Variants in CACNA2D2 observed in about 807,000 individuals in gnomAD.
The protein encoded by CACNA2D2 is voltage-dependent calcium channel subunit alpha-2/delta-2.
CACNA2D2 carries 48 observed loss-of-function variants against 166.4 expected under a neutral mutation model. That is an observed-to-expected ratio of 0.29 (90% CI 0.23 to 0.37). The LOEUF is 0.37. Ranked by LOEUF, CACNA2D2 falls within the 10% of genes least tolerant of loss-of-function variation. The pLI is 1.00. For synonymous variants in CACNA2D2, 561 were observed against 573.7 expected (o/e 0.98, Z 0.32); for missense variants, 1,122 against 1,433.0 (o/e 0.78, Z 3.50).
At chr3:50,459,717 G>A (rs942628299) in intron 2 of CACNA2D2, among the ~76,000 whole-genome samples, 7 of 152,206 alleles carry the variant, frequency 4.6e-5, no homozygotes, top group Admixed American at 3.3e-4. Context: ...CCAGGACCCC[G>A]GGATGTGAGT....
At chr3:50,492,671 G>C (rs549756907) in intron 1 of CACNA2D2, among the ~76,000 whole-genome samples, 2 of 152,310 alleles carry the variant, frequency 1.3e-5, no homozygotes, top group East Asian at 3.9e-4. Flanking sequence ...TGGTCCTTGG[G>C]TGGTTCCAAG....
At chr3:50,443,066 C>T (rs1575693598) in intron 2 of CACNA2D2, among the ~76,000 whole-genome samples, 1 of 152,326 alleles carries the variant, frequency 6.6e-6, no homozygotes, top group African/African-American at 2.4e-5. Flanking sequence ...CTCCCCCTCC[C>T]TGAGTTGGGA....
intron 2 of CACNA2D2, among the ~76,000 whole-genome samples, chr3:50,470,607 G>T (rs1710034245): frequency 7.0e-6 from 1 of 142,390 alleles, no homozygotes; most frequent in Non-Finnish European, 1.6e-5. Context: ...GGCGGGGGGG[G>T]GGGGTGGTGG....
chr3:50,389,844 C>T (rs1705799850), intron 4 of CACNA2D2, among the ~76,000 whole-genome samples: 2 of 152,212 alleles, frequency 1.3e-5, no homozygotes, highest in Admixed American at 6.5e-5. Flanking sequence ...TGACCGCTCC[C>T]GGCCTCTCCT....
At position 50,379,538 on chromosome 3, in the gene CACNA2D2, T is replaced by C. The variant is rs1231684830; in HGVS notation, c.1046A>G (p.Asn349Ser). 17 of 1,613,868 alleles carry C rather than the reference T, an allele frequency of 1.1e-5. No individual in the cohort carries two copies. The highest frequency in any genetic ancestry group is 5.3e-5 in the African/African-American group (4 of 74,928). ...VSCFTHLVQA[N>S]VRNKKVFKEA... is the part of the protein sequence containing the mutation. Reference sequence around the variant, plus strand: ...CTTGAACACCTTCTTGTTGCGCACATTGGCCTGCACCAGGTGTGTGAAGCA... The same window carrying C: ...CTTGAACACCTTCTTGTTGCGCACACTGGCCTGCACCAGGTGTGTGAAGCA... The change falls in exon 11 of 38, where the codon AAT (asparagine) becomes AGT (serine). Residue 349 changes from asparagine (N) to serine (S), a missense_variant. This residue lies in a region of CACNA2D2 where 840 missense variants were observed against 1,166.8 expected (regional missense o/e 0.72). Transcript: ENST00000424201. The surrounding 1 kb of genome is among the most constrained non-coding windows in gnomAD (Gnocchi z 6.5).
intron 2 of CACNA2D2, among the ~76,000 whole-genome samples, chr3:50,438,298 A>G (rs2106908713): frequency 6.6e-6 from 1 of 152,046 alleles, no homozygotes; most frequent in South Asian, 2.1e-4. Flanking sequence ...CCCACCAGTG[A>G]TGGAGACCTG....
intron 2 of CACNA2D2, among the ~76,000 whole-genome samples, chr3:50,474,644 G>A (rs965136560): frequency 3.3e-5 from 5 of 152,144 alleles, no homozygotes; most frequent in African/African-American, 7.2e-5. Flanking sequence ...GAGGAGTACC[G>A]TTAACTCCTG....
intron 2 of CACNA2D2, among the ~76,000 whole-genome samples, chr3:50,463,273 G>A (rs1306206575): frequency 6.6e-6 from 1 of 151,974 alleles, no homozygotes; most frequent in African/African-American, 2.4e-5. Context: ...AGAGGACAGT[G>A]CCAGGTGGTA....
At chr3:50,391,923 G>A (rs1705911085) in intron 4 of CACNA2D2, among the ~76,000 whole-genome samples, 1 of 152,236 alleles carries the variant, frequency 6.6e-6, no homozygotes, top group Non-Finnish European at 1.5e-5. Flanking sequence ...GCTGTGGGCT[G>A]TGGGGGCCGA....
chr3:50,446,694 T>A (rs1708863882), intron 2 of CACNA2D2, among the ~76,000 whole-genome samples: 1 of 152,206 alleles, frequency 6.6e-6, no homozygotes, highest in African/African-American at 2.4e-5. Flanking sequence ...GGGTGAACCC[T>A]CCCAGGAAGC....
chr3:50,413,784 T>C (rs918849426), intron 3 of CACNA2D2, among the ~76,000 whole-genome samples: 62 of 152,180 alleles, frequency 4.1e-4, no homozygotes, highest in African/African-American at 1.4e-3. Flanking sequence ...GAGGCAGAGG[T>C]TGCAGTGAGC....
chr3:50,378,578 T>C (rs1046746058), intron 13 of CACNA2D2, among the ~76,000 whole-genome samples: 4 of 152,132 alleles, frequency 2.6e-5, no homozygotes, highest in African/African-American at 9.7e-5. Context: ...GAGCCTGAGG[T>C]CTGAGGTCCC....
chr3:50,429,356 G>A (rs1281418674), intron 3 of CACNA2D2, among the ~76,000 whole-genome samples: 1 of 152,068 alleles, frequency 6.6e-6, no homozygotes, highest in Non-Finnish European at 1.5e-5. Context: ...TGAGGATTCA[G>A]AGCAATACAG....
rs1484688102 is a variant in CACNA2D2, at chr3:50,387,557, G to T, written c.510+11C>A. On this transcript the variant is annotated intron_variant, in intron 5 of 37. Transcript: ENST00000424201. Reference sequence around the variant, plus strand: ...CCAGCAAGGAGGTGTGGCTCAGGAGGGGGTGCTCACCAGCTCAGCGTCAGC... The same window carrying T: ...CCAGCAAGGAGGTGTGGCTCAGGAGTGGGTGCTCACCAGCTCAGCGTCAGC... The T allele has an allele frequency of 6.2e-7, 1 of 1,612,814 alleles. No homozygotes were observed.
intron 3 of CACNA2D2, among the ~76,000 whole-genome samples, chr3:50,412,949 T>C (rs1024337106): frequency 3.9e-5 from 6 of 152,194 alleles, no homozygotes; most frequent in African/African-American, 1.4e-4. Flanking sequence ...TTAGGGTGAC[T>C]GCCAGGGCCC....
chr3:50,482,235 C>T (rs948042976), intron 1 of CACNA2D2, among the ~76,000 whole-genome samples: 3 of 152,160 alleles, frequency 2.0e-5, no homozygotes, highest in Non-Finnish European at 4.4e-5. Context: ...CTCCCCTAGG[C>T]CCTCGCCCTG....
intron 2 of CACNA2D2, among the ~76,000 whole-genome samples, chr3:50,457,906 G>GTAA (rs1709432659): frequency 6.6e-6 from 1 of 152,180 alleles, no homozygotes; most frequent in Admixed American, 6.5e-5. Context: ...ACTAATGAGG[G>GTAA]TAAGGGTATG....
In CACNA2D2 at chr3:50,365,020, G is replaced by A. The variant is rs587738954; in HGVS notation, c.3209-50C>T. 2.5e-5 allele frequency: 40 copies of A among 1,602,396 alleles called. 1 individual carries two copies. The South Asian group carries it at 3.2e-4, about 13-fold the overall frequency. ...AGGCGGACGGCGGCGGCGGCACGGA[G>A]GGGGCGCGCGGGGCAGAGGGGGAGC... On this transcript the variant is annotated intron_variant, in intron 36 of 37. Coordinates refer to ENST00000424201, the MANE Select transcript of CACNA2D2 (RefSeq NM_006030.4). This position sits in a 1 kb window ranked among gnomAD's most constrained non-coding sequence, Gnocchi z 4.5.
In CACNA2D2 at chr3:50,365,457, G is replaced by C; in HGVS notation, c.2997C>G (p.Pro999=). Reference sequence around the variant, plus strand: ...TGACGCAGCTGCTCTCGCGCGTCTCGGGGCTCCCCTCGGCCTCCGCGGGGT... The same window carrying C: ...TGACGCAGCTGCTCTCGCGCGTCTCCGGGCTCCCCTCGGCCTCCGCGGGGT... ...QADPAEAEGS[P]ETRESSCVMK... is the part of the protein sequence containing the mutation. Residue 999 remains proline (P), a synonymous_variant, in exon 35 of 38, where the codon CCC becomes CCG. Transcript: ENST00000424201. This position sits in a 1 kb window ranked among gnomAD's most constrained non-coding sequence, Gnocchi z 4.5. The C allele has an allele frequency of 6.2e-7, 1 of 1,613,500 alleles. No individual in the cohort carries two copies. Among genetic ancestry groups the C allele is most frequent in the African/African-American group, 1.3e-5 (1 of 75,046 alleles).
Sources: gnomAD v4.1 joint callset for allele counts (sites outside exome capture counted in the v4.1 genomes callset) on GRCh38, gnomAD v4.1.1 for gene constraint, gnomAD v4.1.1 regional missense constraint, Gnocchi (gnomAD v3.1) non-coding constraint, MANE v1.5 for transcripts, NCBI Gene and HGNC (gene_info 2026-07-23, HGNC 2026-07-21) for gene names.